Variants in ECT2L observed in about 807,000 individuals in gnomAD.
The protein encoded by ECT2L is epithelial cell-transforming sequence 2 oncogene-like.
A neutral mutation model predicts 122.8 loss-of-function variants in ECT2L; 126 were observed. The observed-to-expected ratio is 1.03, with a 90% CI of 0.89 to 1.19. ECT2L has a LOEUF of 1.19. Among genes scored for constraint, ECT2L ranks in the 50% most tolerant of loss-of-function variants. ECT2L has a pLI of 0.00. For synonymous variants in ECT2L, 385 were observed against 381.8 expected, an observed-to-expected ratio of 1.01 and a Z score of -0.10; for missense variants, 1,012 against 1,064.1, an observed-to-expected ratio of 0.95 and a Z score of 0.68.
chr6:138,873,363 G>A (rs761550736), intron 13 of ECT2L, among the ~76,000 whole-genome samples: 2 of 152,172 alleles, frequency 1.3e-5, no homozygotes, highest in Non-Finnish European at 2.9e-5. Context: ...ACAGCTAAAC[G>A]TCAGTGTTGC....
chr6:138,803,384 G>C (rs941379450), intron 1 of ECT2L, among the ~76,000 whole-genome samples: 9 of 151,930 alleles, frequency 5.9e-5, no homozygotes, highest in Non-Finnish European at 1.3e-4. Flanking sequence ...CCCACCAGCA[G>C]AGACAGCGAC....
chr6:138,814,582 G>A lies in ECT2L; in HGVS notation c.158G>A (p.Arg53Lys), dbSNP rs79876201. The change falls in exon 4 of 22, where the codon AGA (arginine) becomes AAA (lysine). Residue 53 changes from arginine (R) to lysine (K), a missense_variant. Physicochemically the swap from Arg to Lys is conservative, Grantham distance 26. Transcript: ENST00000541398. Reference sequence around the variant, plus strand: ...GAATTCTTATTCGCAATTTTTTTAAGATGCACTAAATCACAATTAAGGTAA... The same window carrying A: ...GAATTCTTATTCGCAATTTTTTTAAAATGCACTAAATCACAATTAAGGTAA... ...RQEFLFAIFL[R>K]CTKSQLRFVQ... 1.2e-6 allele frequency: 2 copies of A among 1,609,798 alleles called. No homozygotes were observed. The highest frequency in any genetic ancestry group is 4.5e-5 in the East Asian group (2 of 44,814).
At chr6:138,796,689 A>G (rs566643066) in intron 1 of ECT2L, among the ~76,000 whole-genome samples, 7 of 152,226 alleles carry the variant, frequency 4.6e-5, no homozygotes, top group Non-Finnish European at 1.0e-4. Context: ...AAGAGTTAAT[A>G]TGCTAAGATT....
At chr6:138,805,560 G>A (rs1487967860) in intron 1 of ECT2L, among the ~76,000 whole-genome samples, 2 of 152,156 alleles carry the variant, frequency 1.3e-5, no homozygotes, top group African/African-American at 4.8e-5. Flanking sequence ...CTCTTTGTAT[G>A]TAGGGGGCTG....
At chr6:138,802,008 C>T (rs1392527746) in intron 1 of ECT2L, among the ~76,000 whole-genome samples, 1 of 152,212 alleles carries the variant, frequency 6.6e-6, no homozygotes, top group Non-Finnish European at 1.5e-5. Context: ...TGTCACTTGT[C>T]ACTTCTGAGG....
chr6:138,811,151 C>G (rs1775877590), intron 1 of ECT2L, among the ~76,000 whole-genome samples: 2 of 152,174 alleles, frequency 1.3e-5, no homozygotes, highest in Admixed American at 1.3e-4. Flanking sequence ...CTGGTGTGCC[C>G]TCTCTTGCTT....
chr6:138,893,594 G>C (rs961387700), intron 20 of ECT2L, among the ~76,000 whole-genome samples: 3 of 151,818 alleles, frequency 2.0e-5, no homozygotes, highest in African/African-American at 7.3e-5. Context: ...GCTAATTTTT[G>C]TATTTTTAGT....
At chr6:138,853,440 C>T (rs757257804) in intron 9 of ECT2L, among the ~76,000 whole-genome samples, 2 of 152,122 alleles carry the variant, frequency 1.3e-5, no homozygotes, top group Non-Finnish European at 2.9e-5. Flanking sequence ...AATATCTAGA[C>T]CTCCCAGTGG....
chr6:138,860,478 T>G (rs953194289), intron 10 of ECT2L, among the ~76,000 whole-genome samples: 1 of 151,758 alleles, frequency 6.6e-6, no homozygotes, highest in African/African-American at 2.4e-5. Flanking sequence ...TCTACTTGAT[T>G]TCATTGATGA....
intron 1 of ECT2L, among the ~76,000 whole-genome samples, chr6:138,812,263 A>C (rs577384674): frequency 1.3e-5 from 2 of 152,142 alleles, no homozygotes; most frequent in Non-Finnish European, 2.9e-5. Flanking sequence ...TGTGCAAGTC[A>C]CCCAGTCTGT....
In ECT2L at chr6:138,893,170, TTTTG is replaced by T. The variant is rs1265457780; in HGVS notation, c.2414+4143_2414+4146del. ...CCTTCACAAGTGCTTCTCAGTTTTT[TTTTG>T]TTTTTTTTTTGTTTTTTTTTGTTTT... On this transcript the variant is annotated intron_variant, in intron 20 of 21. Coordinates refer to ENST00000541398, the MANE Select transcript of ECT2L (RefSeq NM_001077706.3). Among the ~76,000 whole-genome samples, 744 of 145,376 alleles carry T rather than the reference TTTTG, an allele frequency of 5.1e-3. 5 individuals carry two copies. The highest frequency in any genetic ancestry group is 0.02 in the African/African-American group (716 of 36,448).
At position 138,874,178 on chromosome 6, in the gene ECT2L, C is replaced by G. The variant is rs1251956436; in HGVS notation, c.1579-2294C>G. Reference sequence around the variant, plus strand: ...CTAGAATGTCTCTGGAAAATAGTGTCTGCCCATGCTCCATCCTAGAGAAAA... The same window carrying G: ...CTAGAATGTCTCTGGAAAATAGTGTGTGCCCATGCTCCATCCTAGAGAAAA... On this transcript the variant is annotated intron_variant, in intron 13 of 21. Transcript: ENST00000541398. Among the ~76,000 whole-genome samples the G allele has an allele frequency of 2.0e-5, 3 of 152,102 alleles. No individual in the cohort carries two copies. In the East Asian group the frequency reaches 5.8e-4, roughly 29 times the overall value.
chr6:138,884,564 G>A (rs1386137404), intron 16 of ECT2L, among the ~76,000 whole-genome samples: 1 of 152,008 alleles, frequency 6.6e-6, no homozygotes, highest in Admixed American at 6.6e-5. Context: ...CTTGAACCTG[G>A]GAGGCAGAGG....
At chr6:138,854,797 C>T (rs567166808) in intron 10 of ECT2L, among the ~76,000 whole-genome samples, 3 of 152,132 alleles carry the variant, frequency 2.0e-5, no homozygotes, top group African/African-American at 7.2e-5. Context: ...TAAGTGGCTG[C>T]CTGTCTAGAA....
At chr6:138,864,502 G>A (rs1441939251) in intron 11 of ECT2L, among the ~76,000 whole-genome samples, 2 of 152,206 alleles carry the variant, frequency 1.3e-5, no homozygotes, top group Admixed American at 1.3e-4. Flanking sequence ...CAGTCCTGTA[G>A]ACAGATTTGT....
chr6:138,888,652 C>A (rs1031159083), intron 19 of ECT2L, among the ~76,000 whole-genome samples: 5 of 152,064 alleles, frequency 3.3e-5, no homozygotes, highest in African/African-American at 1.2e-4. Flanking sequence ...TATCCCCCAA[C>A]CCCCAACTTT....
rs1205275459 is a variant in ECT2L at position 138,797,859 on chromosome 6, G to T, written c.-244+1667G>T. Among the ~76,000 whole-genome samples, 5 of 152,134 alleles carry T rather than the reference G, an allele frequency of 3.3e-5. No individual in the cohort carries two copies. In the East Asian group the frequency reaches 9.7e-4, roughly 29 times the overall value. On this transcript the variant is annotated intron_variant, in intron 1 of 21. Coordinates refer to ENST00000541398, the MANE Select transcript of ECT2L (RefSeq NM_001077706.3). ...GTTCAGGGCTCAGTCCCAAAAGACTGCCCCCCACTTCAAATGCCAATCACA... is the reference window on the plus strand; with the variant it reads ...GTTCAGGGCTCAGTCCCAAAAGACTTCCCCCCACTTCAAATGCCAATCACA...
At chr6:138,823,462 T>C (rs1303794524) in intron 4 of ECT2L, 1 of 1,605,496 alleles carries the variant, frequency 6.2e-7, no homozygotes, top group Non-Finnish European at 8.5e-7. Flanking sequence ...TCTCGACCCC[T>C]AAAAGTTCTG....
rs1236066487 is a variant in ECT2L at position 138,842,975 on chromosome 6, G to C, written c.343-4G>C. 12 of 1,478,980 alleles carry C rather than the reference G, an allele frequency of 8.1e-6. No individual in the cohort carries two copies. Among genetic ancestry groups the C allele is most frequent in the Non-Finnish European group, 1.1e-5 (12 of 1,102,092 alleles). 91.6% of individuals were successfully genotyped at this position (1,478,980 alleles called of 1,614,324 possible). On this transcript the variant is annotated splice_polypyrimidine_tract_variant and splice_region_variant and intron_variant, in intron 5 of 21. Transcript: ENST00000541398. ...TGTGACTCATCTTCCTCTTGTTTCT[G>C]AAGGATTGCTTATGGATGCCCAAAT...
Sources: allele counts gnomAD v4.1 joint callset (sites outside exome capture counted in the v4.1 genomes callset), GRCh38; gene constraint gnomAD v4.1.1; transcripts MANE v1.5; gene names NCBI Gene and HGNC (gene_info 2026-07-23, HGNC 2026-07-21).